Variants in CNTN4 observed in about 807,000 individuals in gnomAD.
CNTN4 encodes contactin 4, also known as contactin-4.
In CNTN4, 77 loss-of-function variants were observed where a neutral mutation model predicts 122.5. The observed-to-expected ratio is 0.63, with a 90% confidence interval of 0.52 to 0.76. The LOEUF (loss-of-function observed/expected upper bound fraction) is 0.76, where lower values mean the gene tolerates loss of function less well. Ranked by LOEUF, CNTN4 falls within the 30% of genes least tolerant of loss-of-function variation. CNTN4 has a pLI of 0.00. For synonymous variants in CNTN4, 512 were observed against 447.0 expected (o/e 1.15, Z -1.83); for missense variants, 1,256 against 1,259.1 (o/e 1.00, Z 0.04).
chr3:2,350,928 C>G (rs576137127), intron 3 of CNTN4, among the ~76,000 whole-genome samples: 1 of 152,242 alleles, frequency 6.6e-6, no homozygotes, highest in East Asian at 1.9e-4. Flanking sequence ...CTAGCACAGC[C>G]TAAATAATTC....
chr3:2,241,716 A>G (rs2039948675), intron 2 of CNTN4, among the ~76,000 whole-genome samples: 3 of 152,156 alleles, frequency 2.0e-5, no homozygotes, highest in Non-Finnish European at 4.4e-5. Context: ...TAGACTGTGT[A>G]CTTCTCTTCC....
intron 2 of CNTN4, among the ~76,000 whole-genome samples, chr3:2,193,328 C>G (rs1279348247): frequency 2.0e-5 from 3 of 151,590 alleles, no homozygotes; most frequent in African/African-American, 7.3e-5. Flanking sequence ...AAAAAAATAC[C>G]TTCTAACTTT....
chr3:2,905,205 G>A (rs572001937), intron 12 of CNTN4, among the ~76,000 whole-genome samples: 1 of 152,242 alleles, frequency 6.6e-6, no homozygotes, highest in African/African-American at 2.4e-5. Flanking sequence ...ATGAATTTTT[G>A]ATCTGAGCTC....
intron 7 of CNTN4, among the ~76,000 whole-genome samples, chr3:2,850,817 C>A (rs1224136090): frequency 6.6e-6 from 1 of 152,086 alleles, no homozygotes; most frequent in African/African-American, 2.4e-5. Context: ...ATAATATTTT[C>A]CATCTTGCCA....
At chr3:2,812,592 C>T (rs1245561939) in intron 6 of CNTN4, among the ~76,000 whole-genome samples, 1 of 151,520 alleles carries the variant, frequency 6.6e-6, no homozygotes, top group East Asian at 1.9e-4. Context: ...TTTTTTGCCA[C>T]AGTAGTGTTG....
intron 8 of CNTN4, among the ~76,000 whole-genome samples, chr3:2,877,910 A>G (rs955533274): frequency 3.3e-5 from 5 of 152,240 alleles, no homozygotes; most frequent in Admixed American, 2.0e-4. Context: ...AAATAAAAAA[A>G]TTAGTCAAAT....
intron 2 of CNTN4, among the ~76,000 whole-genome samples, chr3:2,126,047 GT>G (rs1383048935): frequency 1.3e-5 from 2 of 152,108 alleles, no homozygotes; most frequent in African/African-American, 4.8e-5. Context: ...TTTCCGTAGT[GT>G]GTCTTCATTG....
rs576997751 is a variant in CNTN4 at position 2,914,729 on chromosome 3, T to C, written c.1208-10900T>C. On this transcript the variant is annotated intron_variant, in intron 12 of 24. Transcript: ENST00000418658. ...CTTAAAGAAGAATTAACACCAGTTTTCCCCAAACCCTTCCAAAGAATTAAA... is the reference window on the plus strand; with the variant it reads ...CTTAAAGAAGAATTAACACCAGTTTCCCCCAAACCCTTCCAAAGAATTAAA... Among the ~76,000 whole-genome samples, 142 of 152,330 alleles carry C rather than the reference T, an allele frequency of 9.3e-4. 3 individuals are homozygous for C. The South Asian group carries it at 0.029, about 31-fold the overall frequency.
chr3:2,121,317 G>A (rs1367451459), intron 2 of CNTN4, among the ~76,000 whole-genome samples: 1 of 152,044 alleles, frequency 6.6e-6, no homozygotes, highest in Admixed American at 6.6e-5. Flanking sequence ...GACCAACATA[G>A]TGAAACCCCG....
chr3:2,636,461 C>A (rs2082662758), intron 4 of CNTN4, among the ~76,000 whole-genome samples: 1 of 152,154 alleles, frequency 6.6e-6, no homozygotes, highest in African/African-American at 2.4e-5. Flanking sequence ...GAAAAAAACC[C>A]AGGAATTATT....
chr3:2,864,299 T>C (rs2093700202), intron 7 of CNTN4, among the ~76,000 whole-genome samples: 1 of 152,118 alleles, frequency 6.6e-6, no homozygotes, highest in African/African-American at 2.4e-5. Flanking sequence ...TTGTTGTTGT[T>C]CCTCTCCAAT....
intron 2 of CNTN4, among the ~76,000 whole-genome samples, chr3:2,279,157 CAAAT>C (rs919978520): frequency 1.2e-4 from 18 of 149,504 alleles, no homozygotes; most frequent in Admixed American, 2.6e-4. Flanking sequence ...TAAAAACATC[CAAAT>C]AAATAAAATT....
Position 2,843,608 on chromosome 3 carries a change from G to A in CNTN4, c.455-23144G>A, listed in dbSNP as rs74523134. On this transcript the variant is annotated intron_variant, in intron 7 of 24. Coordinates refer to ENST00000418658, the MANE Select transcript of CNTN4 (RefSeq NM_175607.3). ...ACGGCTCAGTGCCGTCCTCACAACA[G>A]TGAGTTCTCGTGAAATCTGATTGTT... 2.3e-3 allele frequency among the ~76,000 whole-genome samples: 347 copies of A among 152,298 alleles called. 14 individuals carry two copies. The East Asian group carries it at 0.054, about 24-fold the overall frequency.
intron 13 of CNTN4, among the ~76,000 whole-genome samples, chr3:2,981,423 G>A (rs892360221): frequency 1.3e-5 from 2 of 152,102 alleles, no homozygotes; most frequent in Non-Finnish European, 2.9e-5. Flanking sequence ...CAGCCTGGGC[G>A]ACAGAGCGAG....
At chr3:2,543,614 A>G (rs575032494) in intron 3 of CNTN4, among the ~76,000 whole-genome samples, 83 of 152,214 alleles carry the variant, frequency 5.5e-4, no homozygotes, top group African/African-American at 1.9e-3. Context: ...GGGAGCCAAA[A>G]CAAGACAATT....
chr3:2,196,042 T>G (rs1559332926), intron 2 of CNTN4, among the ~76,000 whole-genome samples: 1 of 152,312 alleles, frequency 6.6e-6, no homozygotes, highest in East Asian at 1.9e-4. Context: ...TAGAAATAAA[T>G]AAACTTCTGC....
intron 4 of CNTN4, among the ~76,000 whole-genome samples, chr3:2,623,909 A>C (rs1336791249): frequency 6.6e-6 from 1 of 152,086 alleles, no homozygotes; most frequent in Non-Finnish European, 1.5e-5. Flanking sequence ...AAAACAAAAC[A>C]AAAAAACCCT....
intron 3 of CNTN4, among the ~76,000 whole-genome samples, chr3:2,430,616 CAAA>C (rs10662868): frequency 1.9e-4 from 20 of 103,344 alleles, no homozygotes; most frequent in Admixed American, 5.6e-4. Context: ...AGCAAATTAC[CAAA>C]AAAAAAAAAA....
At chr3:3,022,573 T>G (rs904202048) in intron 14 of CNTN4, among the ~76,000 whole-genome samples, 17 of 152,196 alleles carry the variant, frequency 1.1e-4, no homozygotes, top group African/African-American at 3.9e-4. Context: ...TTTATACATC[T>G]AATTGTGGAT....
Sources: allele counts gnomAD v4.1 joint callset (sites outside exome capture counted in the v4.1 genomes callset), GRCh38; gene constraint gnomAD v4.1.1; transcripts MANE v1.5; gene names NCBI Gene and HGNC (gene_info 2026-07-23, HGNC 2026-07-21).